Variants in TENM1 observed in about 807,000 individuals in gnomAD.
TENM1 encodes the protein teneurin transmembrane protein 1, also known as teneurin-1.
TENM1 carries 35 observed loss-of-function variants against 174.8 expected under a neutral mutation model. The observed-to-expected ratio is 0.20, with a 90% CI of 0.15 to 0.27. The LOEUF (loss-of-function observed/expected upper bound fraction) is 0.27, where lower values mean the gene tolerates loss of function less well. Ranked by LOEUF, TENM1 falls within the 10% of genes least tolerant of loss-of-function variation. The pLI is 1.00. For synonymous variants in TENM1, 781 were observed against 798.7 expected, an observed-to-expected ratio of 0.98 and a Z score of 0.37; for missense variants, 1,633 against 2,130.1, an observed-to-expected ratio of 0.77 and a Z score of 4.59.
chrX:124,678,139 C>T (rs183949306), intron 5 of TENM1, among the ~76,000 whole-genome samples: 286 of 110,742 alleles, frequency 2.6e-3, no homozygotes, highest in African/African-American at 8.7e-3. Context: ...TTGACCATGG[C>T]AGGTGTATTT....
chrX:124,531,126 C>CT (rs1189755779), intron 15 of TENM1, among the ~76,000 whole-genome samples: 842 of 79,171 alleles, frequency 0.011, 10 homozygotes, highest in East Asian at 0.019. Flanking sequence ...TCAATACCAC[C>CT]TTTTTTTTTT....
chrX:125,027,638 G>A, the TENM1 span, among the ~76,000 whole-genome samples: 1 of 91,560 alleles, frequency 1.1e-5, no homozygotes, highest in Non-Finnish European at 2.1e-5. Context: ...TTTTTGAGAC[G>A]GAGTCTCGCT....
chrX:125,166,319 C>T, the TENM1 span, among the ~76,000 whole-genome samples: 1 of 111,204 alleles, frequency 9.0e-6, no homozygotes, highest in Non-Finnish European at 1.9e-5. Context: ...CATTGTTCTC[C>T]ATTTTCTATA....
At chrX:124,425,785 A>C (rs2060706459) in intron 23 of TENM1, among the ~76,000 whole-genome samples, 1 of 111,329 alleles carries the variant, frequency 9.0e-6, no homozygotes, top group Non-Finnish European at 1.9e-5. Context: ...GGGGTGTGAG[A>C]TAGTCATATT....
At chrX:125,062,681 C>T in the TENM1 span, among the ~76,000 whole-genome samples, 2 of 111,807 alleles carry the variant, frequency 1.8e-5, no homozygotes, top group Non-Finnish European at 3.8e-5. Flanking sequence ...AAATAAAAGA[C>T]CAGTATTCAT....
the TENM1 span, among the ~76,000 whole-genome samples, chrX:125,101,737 G>A: frequency 8.9e-6 from 1 of 112,187 alleles, no homozygotes; most frequent in Non-Finnish European, 1.9e-5. Flanking sequence ...AGAGTAAAGA[G>A]AAAGGGAAGA....
rs185995864 is a variant in TENM1 at position 124,644,067 on chromosome X, A to G, written c.1876+1076T>C. On this transcript the variant is annotated intron_variant, in intron 10 of 31. Transcript: ENST00000422452. The stretch of plus-strand genomic sequence containing the variant: ...GGCATATATATATATATATATATAT[A>G]TGTGTATATATAATATAAATGGCAT... Among the ~76,000 whole-genome samples the G allele has an allele frequency of 6.9e-3, 675 of 98,117 alleles. 5 individuals are homozygous for G. The highest frequency in any genetic ancestry group is 0.024 in the African/African-American group (623 of 26,426). 85.2% of individuals were successfully genotyped at this position (98,117 alleles called of 115,157 possible). A position where few individuals can be genotyped will look rare whatever the true frequency, so the allele number is the denominator to read the frequency against.
intron 11 of TENM1, among the ~76,000 whole-genome samples, chrX:124,607,079 TG>T (rs201796864): frequency 0.012 from 1,313 of 110,813 alleles, 19 homozygotes; most frequent in African/African-American, 0.041. Flanking sequence ...GGTGGGCATT[TG>T]GTACCTCAGA....
rs200859462 is a variant in TENM1, at chrX:124,481,816, T to C, written c.3865A>G (p.Thr1289Ala). 131 of 1,203,078 alleles carry C rather than the reference T, an allele frequency of 1.1e-4. No individual in the cohort carries two copies. Among genetic ancestry groups the C allele is most frequent in the Non-Finnish European group, 1.4e-4 (128 of 890,862 alleles). Reference sequence around the variant, plus strand: ...TCAAAGGGAAGGCACTGATCACCAGTTCCTGCCACCACTTCAAAATTCTTG... The same window carrying C: ...TCAAAGGGAAGGCACTGATCACCAGCTCCTGCCACCACTTCAAAATTCTTG... Residue 1289 changes from threonine to alanine, a missense_variant, in exon 22 of 32, where the codon ACT becomes GCT. By Grantham distance (58) the Thr-to-Ala change is moderately conservative. Around this residue, in one of 4 missense-constraint regions of TENM1, gnomAD observed 72 missense variants for 59.4 expected, o/e 1.21. Coordinates refer to ENST00000422452, the Ensembl canonical transcript of TENM1.
chrX:125,175,699 G>A, the TENM1 span, among the ~76,000 whole-genome samples: 4 of 110,106 alleles, frequency 3.6e-5, no homozygotes, highest in Non-Finnish European at 7.6e-5. Flanking sequence ...TACTAAGGAG[G>A]GCCACATAGC....
intron 3 of TENM1, among the ~76,000 whole-genome samples, chrX:124,777,184 T>C (rs940143305): frequency 1.8e-5 from 2 of 111,782 alleles, no homozygotes; most frequent in African/African-American, 6.5e-5. Context: ...ATAAAACTCC[T>C]GTATACTAAT....
the TENM1 span, among the ~76,000 whole-genome samples, chrX:125,150,160 G>T: frequency 8.9e-6 from 1 of 111,734 alleles, no homozygotes; most frequent in Non-Finnish European, 1.9e-5. Context: ...CAAAATGGTG[G>T]TTAGCTGTGA....
intron 18 of TENM1, among the ~76,000 whole-genome samples, chrX:124,513,909 G>T (rs16999255): frequency 9.0e-6 from 1 of 110,721 alleles, no homozygotes; most frequent in East Asian, 2.8e-4. Context: ...GGATCTTTTG[G>T]AAACATTATG....
chrX:125,011,884 A>G, the TENM1 span, among the ~76,000 whole-genome samples: 240 of 111,821 alleles, frequency 2.1e-3, no homozygotes, highest in Non-Finnish European at 3.6e-3. Context: ...AGACACATGC[A>G]CACGTATGTT....
intron 17 of TENM1, 146 bp from the exon 21 acceptor site, chrX:124,520,930 A>C: frequency 9.3e-6 from 5 of 537,906 alleles, no homozygotes; most frequent in Non-Finnish European, 1.4e-5. Flanking sequence ...TTTGTTCTTG[A>C]ATCTTTGTGA....
chrX:124,895,886 T>G, intron 2 of TENM1, 95 bp downstream of exon 5: 10 of 1,041,707 alleles, frequency 9.6e-6, no homozygotes, highest in Non-Finnish European at 1.3e-5. Context: ...GCATATTAAA[T>G]GAAAGAAGGG....
intron 22 of TENM1, among the ~76,000 whole-genome samples, chrX:124,458,286 T>C (rs1055966889): frequency 2.7e-5 from 3 of 112,122 alleles, no homozygotes; most frequent in African/African-American, 9.7e-5. Flanking sequence ...AAGTTACTTA[T>C]GCATAATAAG....
chrX:124,546,228 T>G (rs2048426138), intron 15 of TENM1, among the ~76,000 whole-genome samples: 1 of 112,062 alleles, frequency 8.9e-6, no homozygotes, highest in Non-Finnish European at 1.9e-5. Context: ...AGAACATTTT[T>G]GTGTCTGGAA....
intron 18 of TENM1, among the ~76,000 whole-genome samples, chrX:124,512,977 G>A (rs959382756): frequency 2.7e-5 from 3 of 112,049 alleles, no homozygotes; most frequent in African/African-American, 9.7e-5. Context: ...TCTAGTCACA[G>A]TTTTAACCAA....
Sources: gnomAD v4.1 joint callset for allele counts (sites outside exome capture counted in the v4.1 genomes callset) on GRCh38, gnomAD v4.1.1 for gene constraint, gnomAD v4.1.1 regional missense constraint, MANE v1.5 for transcripts, NCBI Gene and HGNC (gene_info 2026-07-23, HGNC 2026-07-21) for gene names.